Variants in ZMAT4 observed in about 807,000 individuals in gnomAD.
ZMAT4 encodes zinc finger matrin-type protein 4.
Under a neutral mutation model 28.7 loss-of-function variants are expected in ZMAT4, and 17 were observed. The ratio of observed to expected loss-of-function variants is 0.59; its 90% confidence interval spans 0.41 to 0.89. The LOEUF is 0.89. Ranked by LOEUF, ZMAT4 falls within the 40% of genes least tolerant of loss-of-function variation. ZMAT4 has a pLI of 0.00. For synonymous variants in ZMAT4, 117 were observed against 109.2 expected (o/e 1.07, Z -0.44); for missense variants, 240 against 283.8 (o/e 0.85, Z 1.11).
At chr8:40,536,414 G>T (rs924353190) in intron 6 of ZMAT4, among the ~76,000 whole-genome samples, 6 of 152,152 alleles carry the variant, frequency 3.9e-5, no homozygotes, top group Admixed American at 6.5e-5. Flanking sequence ...CACTGGTGTT[G>T]CAATGCCTCA....
chr8:40,532,262 T>C (rs1200782717), intron 6 of ZMAT4, 24 bp from the exon 7 acceptor site: 1 of 1,569,028 alleles, frequency 6.4e-7, no homozygotes. Context: ...GGAAACACAG[T>C]GTTACCTTCT....
chr8:40,872,845 C>G (rs1054201340), intron 1 of ZMAT4, among the ~76,000 whole-genome samples: 1 of 152,068 alleles, frequency 6.6e-6, no homozygotes, highest in African/African-American at 2.4e-5. Context: ...TAGTTTTTGT[C>G]AGCTGTTTTG....
intron 1 of ZMAT4, among the ~76,000 whole-genome samples, chr8:40,850,528 T>G (rs1275010559): frequency 6.6e-6 from 1 of 152,208 alleles, no homozygotes; most frequent in Admixed American, 6.5e-5. Flanking sequence ...AAATGTAAGC[T>G]TTGTGGGGTA....
At chr8:40,811,692 C>T (rs1815324111) in intron 2 of ZMAT4, among the ~76,000 whole-genome samples, 1 of 152,150 alleles carries the variant, frequency 6.6e-6, no homozygotes, top group African/African-American at 2.4e-5. Flanking sequence ...GTAATAGATG[C>T]TCATTATGGA....
chr8:40,582,493 A>C (rs1585713975), intron 5 of ZMAT4, among the ~76,000 whole-genome samples: 1 of 152,214 alleles, frequency 6.6e-6, no homozygotes. Flanking sequence ...TGTCTCAAAA[A>C]AAAAAAGTGA....
chr8:40,749,833 C>T (rs749000041), intron 3 of ZMAT4, among the ~76,000 whole-genome samples: 3 of 152,198 alleles, frequency 2.0e-5, no homozygotes, highest in Admixed American at 1.3e-4. Flanking sequence ...GATCTTATCT[C>T]TACTTCCACT....
At chr8:40,793,854 C>A (rs1400584960) in intron 2 of ZMAT4, among the ~76,000 whole-genome samples, 3 of 152,160 alleles carry the variant, frequency 2.0e-5, no homozygotes, top group African/African-American at 7.2e-5. Context: ...GACGGACTCG[C>A]CCCTCCTTGG....
In ZMAT4 at chr8:40,719,044, G is replaced by T. The variant is rs528328204; in HGVS notation, c.193-21643C>A. Among the ~76,000 whole-genome samples the T allele has an allele frequency of 9.2e-4, 140 of 152,238 alleles. 1 individual carries two copies. Among genetic ancestry groups the T allele is most frequent in the African/African-American group, 3.3e-3 (137 of 41,554 alleles). On this transcript the variant is annotated intron_variant, in intron 3 of 6. Transcript: ENST00000297737. ...ATACTGCTCACTCAGATGAGAACCGGATGGGGCCTAGAAATCAGCCTGAGG... is the reference window on the plus strand; with the variant it reads ...ATACTGCTCACTCAGATGAGAACCGTATGGGGCCTAGAAATCAGCCTGAGG...
intron 4 of ZMAT4, among the ~76,000 whole-genome samples, chr8:40,691,309 T>C (rs547396824): frequency 1.3e-4 from 20 of 151,650 alleles, no homozygotes; most frequent in African/African-American, 4.6e-4. Context: ...GAATATTAGA[T>C]AGCACTTCAG....
Position 40,897,699 on chromosome 8 carries a change from A to T in ZMAT4, c.-21T>A, listed in dbSNP as rs1389535379. 6.6e-6 allele frequency: 1 copy of T among 152,326 alleles called. No individual in the cohort carries two copies. The highest frequency in any genetic ancestry group is 1.9e-4 in the East Asian group (1 of 5,176). The allele number at this position is 152,326 out of a possible 1,614,324, so 9.4% of individuals were successfully genotyped here. The stretch of plus-strand genomic sequence containing the variant: ...CAGAGGTACCTTTTCCGCGAGGCAG[A>T]GGGGCCGCCGGTGCCCAGAGGCCAG... On this transcript the variant is annotated 5_prime_UTR_variant, in exon 1 of 7. Coordinates refer to ENST00000297737, the MANE Select transcript of ZMAT4 (RefSeq NM_024645.3).
intron 5 of ZMAT4, among the ~76,000 whole-genome samples, chr8:40,616,959 C>T (rs928875214): frequency 6.6e-6 from 1 of 151,132 alleles, no homozygotes; most frequent in African/African-American, 2.4e-5. Flanking sequence ...TTCTAATAGC[C>T]AGAGTGAAGA....
intron 3 of ZMAT4, among the ~76,000 whole-genome samples, chr8:40,716,245 C>T (rs1810849166): frequency 1.0e-5 from 1 of 99,672 alleles, no homozygotes; most frequent in Non-Finnish European, 2.0e-5. Flanking sequence ...GCTTGCTGGA[C>T]ATGCAAATGC....
intron 3 of ZMAT4, among the ~76,000 whole-genome samples, chr8:40,752,561 G>A (rs1157837412): frequency 6.6e-6 from 1 of 152,154 alleles, no homozygotes; most frequent in East Asian, 1.9e-4. Flanking sequence ...TGCAGTCATG[G>A]ACTTAAAGAT....
At chr8:40,710,777 A>G (rs1180541451) in intron 3 of ZMAT4, among the ~76,000 whole-genome samples, 1 of 146,524 alleles carries the variant, frequency 6.8e-6, no homozygotes, top group Non-Finnish European at 1.5e-5. Flanking sequence ...CTTTAAAAAG[A>G]TCAAGACTTT....
At chr8:40,633,297 T>A (rs539895141) in intron 5 of ZMAT4, among the ~76,000 whole-genome samples, 1 of 152,246 alleles carries the variant, frequency 6.6e-6, no homozygotes, top group South Asian at 2.1e-4. Flanking sequence ...AAACCAAGCC[T>A]GAGCAATTCA....
chr8:40,576,121 T>C (rs939177080), intron 6 of ZMAT4, among the ~76,000 whole-genome samples: 2 of 150,382 alleles, frequency 1.3e-5, no homozygotes, highest in African/African-American at 4.9e-5. Flanking sequence ...GCAGACAAAA[T>C]AGAAAAATAA....
intron 1 of ZMAT4, among the ~76,000 whole-genome samples, chr8:40,858,250 A>C (rs1415877160): frequency 1.2e-4 from 18 of 152,232 alleles, no homozygotes; most frequent in Admixed American, 1.1e-3. Context: ...GCCACTAATG[A>C]AACAGGGAAA....
At chr8:40,581,016 A>G (rs1804446736) in intron 6 of ZMAT4, 149 bp downstream of exon 6, 2 of 574,754 alleles carry the variant, frequency 3.5e-6, no homozygotes. Context: ...CCATTCTTCA[A>G]GTAAGCATAA....
rs140717564 is a variant in ZMAT4 at position 40,887,344 on chromosome 8, C to T, written c.-5+10339G>A. Among the ~76,000 whole-genome samples, 1,447 of 151,512 alleles carry T rather than the reference C, an allele frequency of 9.6e-3. 40 individuals are homozygous for T. The highest frequency in any genetic ancestry group is 0.034 in the African/African-American group (1,382 of 41,234). ...TCTCTACTAAAAATACAAAAATTAG[C>T]CAGGCATCATGGTGGGCACCTGTAA... On this transcript the variant is annotated intron_variant, in intron 1 of 6. Transcript: ENST00000297737.
Sources: gnomAD v4.1 joint callset for allele counts (sites outside exome capture counted in the v4.1 genomes callset) on GRCh38, gnomAD v4.1.1 for gene constraint, MANE v1.5 for transcripts, NCBI Gene and HGNC (gene_info 2026-07-23, HGNC 2026-07-21) for gene names.